The following RGMB variants were observed in gnomAD, a reference collection of about 807,000 sequenced individuals.
The protein encoded by RGMB is repulsive guidance molecule BMP co-receptor b.
RGMB carries 16 observed loss-of-function variants against 26.9 expected under a neutral mutation model. That is an observed-to-expected ratio of 0.60 (90% CI 0.40 to 0.90). RGMB has a LOEUF of 0.90. Ranked by LOEUF, RGMB falls within the 40% of genes least tolerant of loss-of-function variation. RGMB has a pLI of 0.00. For missense variants in RGMB, 512 were observed against 573.3 expected, an observed-to-expected ratio of 0.89 and a Z score of 1.09; for synonymous variants, 225 against 229.3, an observed-to-expected ratio of 0.98 and a Z score of 0.17.
At chr5:98,775,273 G>T (rs555888501) in intron 1 of RGMB, among the ~76,000 whole-genome samples, 1 of 152,088 alleles carries the variant, frequency 6.6e-6, no homozygotes, top group Non-Finnish European at 1.5e-5. Context: ...TTAAGTAATG[G>T]GGGGGAAAAT....
intron 2 of RGMB, among the ~76,000 whole-genome samples, chr5:98,783,851 G>C (rs1437898086): frequency 6.6e-6 from 1 of 152,172 alleles, no homozygotes; most frequent in Non-Finnish European, 1.5e-5. Flanking sequence ...CAATGGAAAT[G>C]TTTTTAGTAA....
At chr5:98,791,718 C>A (rs778312979) in intron 2 of RGMB, among the ~76,000 whole-genome samples, 1 of 152,050 alleles carries the variant, frequency 6.6e-6, no homozygotes, top group African/African-American at 2.4e-5. Context: ...AAAATCTGGT[C>A]TTTTTTTGTT....
chr5:98,770,572 C>A, upstream of RGMB: 2 of 1,218,818 alleles, frequency 1.6e-6, no homozygotes, highest in Non-Finnish European at 1.1e-6. Context: ...TCACGCCAAG[C>A]TTTGGGACTC....
chr5:98,773,703 G>A lies in RGMB; in HGVS notation c.-368G>A, dbSNP rs1366085025. On this transcript the variant is annotated 5_prime_UTR_variant, in exon 1 of 3. Coordinates refer to ENST00000513185, the MANE Select transcript of RGMB (RefSeq NM_001366508.1). Reference sequence around the variant, plus strand: ...CCGCCGGTGGGTGGTCGCTAGGGCTGGGCCAGCCTCTTGGAGGTCCACGCC... The same window carrying A: ...CCGCCGGTGGGTGGTCGCTAGGGCTAGGCCAGCCTCTTGGAGGTCCACGCC... 3.0e-5 allele frequency: 11 copies of A among 371,968 alleles called. No individual in the cohort carries two copies. Among genetic ancestry groups the A allele is most frequent in the Non-Finnish European group, 4.8e-5 (10 of 209,490 alleles). The allele number at this position is 371,968 out of a possible 1,614,324, so 23.0% of individuals were successfully genotyped here. A position where few individuals can be genotyped will look rare whatever the true frequency, so the allele number is the denominator to read the frequency against.
At chr5:98,792,593 C>T (rs1746965302) in intron 2 of RGMB, among the ~76,000 whole-genome samples, 3 of 144,434 alleles carry the variant, frequency 2.1e-5, no homozygotes, top group Middle Eastern at 6.9e-3. Flanking sequence ...CCGCCCCCCA[C>T]CAACCCCCTC....
chr5:98,782,998 G>A (rs1746655781), intron 2 of RGMB, among the ~76,000 whole-genome samples: 1 of 152,210 alleles, frequency 6.6e-6, no homozygotes, highest in African/African-American at 2.4e-5. Context: ...TGCCTGCGGT[G>A]CTTAATGATG....
intron 2 of RGMB, among the ~76,000 whole-genome samples, chr5:98,784,242 C>T (rs1022428269): frequency 2.0e-5 from 3 of 152,224 alleles, no homozygotes; most frequent in Non-Finnish European, 2.9e-5. Context: ...GGGCAGCACT[C>T]ATCGCCTGTC....
intron 1 of RGMB, among the ~76,000 whole-genome samples, chr5:98,778,037 G>T (rs928313152): frequency 6.6e-6 from 1 of 152,028 alleles, no homozygotes; most frequent in African/African-American, 2.4e-5. Flanking sequence ...CAAAGCAGAA[G>T]AACCCAAGAA....
Position 98,773,903 on chromosome 5 carries a change from G to T in RGMB, c.-168G>T. ...CGCGGACTGGCTGCGCCGGCTGCGC[G>T]CTGCTTGCTGCGGCGGTGGTGGCGC... On this transcript the variant is annotated 5_prime_UTR_variant, in exon 1 of 3. Coordinates refer to ENST00000513185, the MANE Select transcript of RGMB (RefSeq NM_001366508.1). 1 of 528,864 alleles carries T rather than the reference G, an allele frequency of 1.9e-6. No individual in the cohort carries two copies. The allele number at this position is 528,864 out of a possible 1,614,324, so 32.8% of individuals were successfully genotyped here.
chr5:98,791,540 TC>T (rs1746930430), intron 2 of RGMB, among the ~76,000 whole-genome samples: 1 of 152,174 alleles, frequency 6.6e-6, no homozygotes, highest in South Asian at 2.1e-4. Context: ...GTCTATTGTT[TC>T]GATTAGTTTC....
intron 2 of RGMB, among the ~76,000 whole-genome samples, chr5:98,782,947 T>A (rs908132255): frequency 1.3e-5 from 2 of 152,250 alleles, no homozygotes; most frequent in Non-Finnish European, 2.9e-5. Context: ...CTAAGCCTTT[T>A]CTTTTTCTCT....
At chr5:98,788,980 T>G (rs1746845404) in intron 2 of RGMB, among the ~76,000 whole-genome samples, 1 of 152,244 alleles carries the variant, frequency 6.6e-6, no homozygotes, top group Non-Finnish European at 1.5e-5. Flanking sequence ...CACCGTGGGC[T>G]TATTCTCCCT....
upstream of RGMB, chr5:98,770,455 G>A: frequency 2.4e-6 from 1 of 420,490 alleles, no homozygotes; most frequent in Non-Finnish European, 4.3e-6. Flanking sequence ...CGTTTTGAGC[G>A]GTGAGAGCAG....
At chr5:98,792,189 T>G (rs925175921) in intron 2 of RGMB, among the ~76,000 whole-genome samples, 2 of 152,210 alleles carry the variant, frequency 1.3e-5, no homozygotes, top group Non-Finnish European at 2.9e-5. Flanking sequence ...TGGTGGCTGT[T>G]ACTGGGGTGC....
At position 98,793,522 on chromosome 5, in the gene RGMB, G is replaced by A. The variant is rs2112382574; in HGVS notation, c.1083G>A (p.Lys361=). 6.2e-7 allele frequency: 1 copy of A among 1,614,002 alleles called. No individual in the cohort carries two copies. The highest frequency in any genetic ancestry group is 2.2e-5 in the East Asian group (1 of 44,886). The change falls in exon 3 of 3, where the codon AAG becomes AAA. Residue 361 remains lysine, a synonymous_variant. Transcript: ENST00000513185. Reference sequence around the variant, plus strand: ...CTGCCAACACTCAATGCCATGAGAAGATGCCAGTGAAGGACATCTATTTCC... The same window carrying A: ...CTGCCAACACTCAATGCCATGAGAAAATGCCAGTGAAGGACATCTATTTCC... ...LETANTQCHE[K]MPVKDIYFQS... is the part of the protein sequence containing the mutation.
intron 1 of RGMB, among the ~76,000 whole-genome samples, chr5:98,777,138 G>GA (rs1746441468): frequency 6.6e-6 from 1 of 151,498 alleles, no homozygotes; most frequent in Non-Finnish European, 1.5e-5. Context: ...AGGAAGGTAT[G>GA]AAAAGGGAGC....
intron 2 of RGMB, among the ~76,000 whole-genome samples, chr5:98,784,025 T>C (rs1746693451): frequency 6.7e-6 from 1 of 149,490 alleles, no homozygotes; most frequent in Non-Finnish European, 1.5e-5. Flanking sequence ...CAGGTCCTAC[T>C]GCAGATCTTC....
At chr5:98,782,839 T>A (rs991883778) in intron 2 of RGMB, among the ~76,000 whole-genome samples, 23 of 152,328 alleles carry the variant, frequency 1.5e-4, no homozygotes, top group African/African-American at 5.5e-4. Flanking sequence ...CTCTGCCTGT[T>A]CCTAGGTACC....
At chr5:98,792,913 A>ATAT in intron 2 of RGMB, 172 bp from the exon 3 acceptor site, 1 of 544,208 alleles carries the variant, frequency 1.8e-6, no homozygotes. Flanking sequence ...GACTTTAAAA[A>ATAT]ATATTTTCTG....
Sources: allele counts gnomAD v4.1 joint callset (sites outside exome capture counted in the v4.1 genomes callset), GRCh38; gene constraint gnomAD v4.1.1; transcripts MANE v1.5; gene names NCBI Gene and HGNC (gene_info 2026-07-23, HGNC 2026-07-21).